The following COL5A2 variants were observed in gnomAD, a reference collection of about 807,000 sequenced individuals.
COL5A2 encodes collagen alpha-2(V) chain.
A neutral mutation model predicts 208.2 loss-of-function variants in COL5A2; 23 were observed. The ratio of observed to expected loss-of-function variants is 0.11; its 90% CI spans 0.08 to 0.16. The LOEUF is 0.16. COL5A2 is among the 10% of genes least tolerant of loss of function. COL5A2 has a pLI of 1.00. For synonymous variants in COL5A2, 625 were observed against 628.5 expected (o/e 0.99, Z 0.08); for missense variants, 1,590 against 1,956.4 (o/e 0.81, Z 3.53).
At chr2:189,388,221 T>C in the COL5A2 span, among the ~76,000 whole-genome samples, 1 of 152,112 alleles carries the variant, frequency 6.6e-6, no homozygotes, top group Non-Finnish European at 1.5e-5. Context: ...ATTACTGCTA[T>C]ATGAAAATAA....
chr2:189,176,270 A>T (rs964483182), intron 1 of COL5A2, among the ~76,000 whole-genome samples: 22 of 152,168 alleles, frequency 1.4e-4, no homozygotes, highest in Admixed American at 2.0e-4. Context: ...ATATACTCAG[A>T]TATATTTTAT....
chr2:189,248,843 T>A, the COL5A2 span, among the ~76,000 whole-genome samples: 3 of 152,044 alleles, frequency 2.0e-5, no homozygotes, highest in Non-Finnish European at 4.4e-5. Flanking sequence ...TTTGCATATG[T>A]TCATTTCATT....
chr2:189,400,481 T>C, the COL5A2 span, among the ~76,000 whole-genome samples: 1 of 152,232 alleles, frequency 6.6e-6, no homozygotes. Context: ...CTTTGACTTC[T>C]AGAATTTTTA....
At chr2:189,371,978 C>T in the COL5A2 span, among the ~76,000 whole-genome samples, 1 of 152,136 alleles carries the variant, frequency 6.6e-6, no homozygotes, top group African/African-American at 2.4e-5. Flanking sequence ...TTAGAGACAG[C>T]CCTTACCATC....
chr2:189,043,211 A>G lies in COL5A2; in HGVS notation c.3411T>C (p.Gly1137=), dbSNP rs6434312. ...CTCTGTGGCCCTTCTGACCTCTGTC[A>G]CCTCGGTCTCCATGATCACCTTTGT... ...RGDKGDHGDR[G]DRGQKGHRGF... Residue 1137 remains glycine, a synonymous_variant, in exon 48 of 54, where the codon GGT becomes GGC. Coordinates refer to ENST00000374866, the MANE Select transcript of COL5A2 (RefSeq NM_000393.5). 1,567,831 of 1,613,866 alleles carry G rather than the reference A, an allele frequency of 0.97. 762,338 individuals are homozygous for G. The highest frequency in any genetic ancestry group is 0.98 in the Non-Finnish European group (1,159,310 of 1,179,876).
chr2:189,419,863 AGAGGAGAGGAGGAGGAG>A, the COL5A2 span, among the ~76,000 whole-genome samples: 1 of 147,664 alleles, frequency 6.8e-6, no homozygotes, highest in African/African-American at 2.5e-5. Flanking sequence ...AAAAGAGGTG[AGAGGAGAGGAGGAGGAG>A]GAGGAGAGGA....
the COL5A2 span, among the ~76,000 whole-genome samples, chr2:189,285,589 C>T: frequency 6.6e-6 from 1 of 151,898 alleles, no homozygotes; most frequent in Admixed American, 6.6e-5. Context: ...GGTCACATAC[C>T]ACAGCTACCA....
At chr2:189,157,124 C>CTATATATAGATA (rs112157584) in intron 1 of COL5A2, among the ~76,000 whole-genome samples, 1 of 85,902 alleles carries the variant, frequency 1.2e-5, no homozygotes, top group African/African-American at 3.4e-5. Flanking sequence ...ATCGATATAT[C>CTATATATAGATA]TATCTATATA....
chr2:189,378,495 C>T, the COL5A2 span, among the ~76,000 whole-genome samples: 3 of 151,996 alleles, frequency 2.0e-5, no homozygotes, highest in East Asian at 1.9e-4. Flanking sequence ...GAGGCCGAGG[C>T]GGGAGGATCA....
chr2:189,215,059 A>G (rs1285292925), intron 1 of COL5A2, among the ~76,000 whole-genome samples: 2 of 152,214 alleles, frequency 1.3e-5, no homozygotes, highest in Non-Finnish European at 2.9e-5. Context: ...ACGCAGGTCA[A>G]TAGTAATAAA....
intron 1 of COL5A2, among the ~76,000 whole-genome samples, chr2:189,114,226 T>C (rs971247710): frequency 2.0e-5 from 3 of 152,120 alleles, no homozygotes; most frequent in African/African-American, 7.2e-5. Context: ...TCCATACACA[T>C]CACAGAGGGC....
Position 189,097,264 on chromosome 2 carries a change from C to T in COL5A2, c.456+13G>A. On this transcript the variant is annotated intron_variant, in intron 6 of 53. Coordinates refer to ENST00000374866, the MANE Select transcript of COL5A2 (RefSeq NM_000393.5). The stretch of plus-strand genomic sequence containing the variant: ...CTGTACGTTCCCCACAAGGAGCCCT[C>T]CTGTCAACTTACAGGTCTTCCTTTT... 6.2e-7 allele frequency: 1 copy of T among 1,614,032 alleles called. No homozygotes were observed. Among genetic ancestry groups the T allele is most frequent in the Non-Finnish European group, 8.5e-7 (1 of 1,179,908 alleles).
Position 189,066,717 on chromosome 2 carries a change from ATG to A in COL5A2, c.1455+10_1455+11del. On this transcript the variant is annotated intron_variant, in intron 22 of 53. Coordinates refer to ENST00000374866, the MANE Select transcript of COL5A2 (RefSeq NM_000393.5). Reference sequence around the variant, plus strand: ...CTATGTTCTACTTATCATTAAAACAATGAAACCTTACTGGTTCCCCTTTTGGG... The same window carrying A: ...CTATGTTCTACTTATCATTAAAACAAAAACCTTACTGGTTCCCCTTTTGGG... The A allele has an allele frequency of 6.2e-7, 1 of 1,609,454 alleles. No homozygotes were observed. The highest frequency in any genetic ancestry group is 8.5e-7 in the Non-Finnish European group (1 of 1,175,760).
At chr2:189,164,455 A>G (rs934881951) in intron 1 of COL5A2, among the ~76,000 whole-genome samples, 9 of 151,864 alleles carry the variant, frequency 5.9e-5, no homozygotes, top group African/African-American at 1.7e-4. Flanking sequence ...GATGTTCTAG[A>G]TAGTTATATA....
the COL5A2 span, among the ~76,000 whole-genome samples, chr2:189,420,344 G>A: frequency 6.6e-6 from 1 of 152,094 alleles, no homozygotes; most frequent in Non-Finnish European, 1.5e-5. Flanking sequence ...AACCAGAGTA[G>A]ACATCAGTGA....
At chr2:189,256,025 T>C in the COL5A2 span, among the ~76,000 whole-genome samples, 1 of 152,184 alleles carries the variant, frequency 6.6e-6, no homozygotes, top group African/African-American at 2.4e-5. Flanking sequence ...ACCTTCAGCA[T>C]TTATATGTTA....
At chr2:189,307,918 T>C in the COL5A2 span, among the ~76,000 whole-genome samples, 6 of 152,184 alleles carry the variant, frequency 3.9e-5, no homozygotes, top group South Asian at 6.2e-4. Context: ...GGTGTACATA[T>C]TCCTCCTCTT....
At chr2:189,165,977 T>G (rs1688455963) in intron 1 of COL5A2, among the ~76,000 whole-genome samples, 2 of 152,216 alleles carry the variant, frequency 1.3e-5, no homozygotes, top group South Asian at 4.1e-4. Context: ...CTAAAATGAC[T>G]ATGTTTAAAA....
chr2:189,123,382 T>A (rs916734162), intron 1 of COL5A2, among the ~76,000 whole-genome samples: 1 of 152,224 alleles, frequency 6.6e-6, no homozygotes, highest in Non-Finnish European at 1.5e-5. Context: ...TAATCCTCTG[T>A]ACTTCAGAAT....
Sources: allele counts gnomAD v4.1 joint callset (sites outside exome capture counted in the v4.1 genomes callset), GRCh38; gene constraint gnomAD v4.1.1; transcripts MANE v1.5; gene names NCBI Gene and HGNC (gene_info 2026-07-23, HGNC 2026-07-21).